The following OTC variants were observed in gnomAD, a reference collection of about 807,000 sequenced individuals.
The protein encoded by OTC is ornithine transcarbamylase, mitochondrial.
A neutral mutation model predicts 30.3 loss-of-function variants in OTC; 3 were observed. That is an observed-to-expected ratio of 0.10 (90% CI 0.05 to 0.26). The LOEUF is 0.26. Ranked by LOEUF, OTC falls within the 10% of genes least tolerant of loss-of-function variation. OTC has a pLI of 1.00. For missense variants in OTC, 194 were observed against 260.3 expected (o/e 0.75, Z 1.75); for synonymous variants, 111 against 99.7 (o/e 1.11, Z -0.67).
chrX:38,340,223 G>C, the OTC span, among the ~76,000 whole-genome samples: 2 of 111,289 alleles, frequency 1.8e-5, no homozygotes, highest in South Asian at 7.4e-4. Context: ...CCCACTTTTT[G>C]CATCCCTCCA....
chrX:38,332,504 T>TATATATATATATATATATATATA, the OTC span, among the ~76,000 whole-genome samples: 1 of 39,381 alleles, frequency 2.5e-5, no homozygotes, highest in African/African-American at 8.8e-5. Flanking sequence ...GCCCTAGATT[T>TATATATATATATATATATATATA]TATATATATA....
intron 8 of OTC, 129 bp from the exon 9 acceptor site, chrX:38,411,733 T>A: frequency 1.6e-6 from 1 of 621,817 alleles, no homozygotes; most frequent in Non-Finnish European, 2.7e-6. Context: ...AAACCATCAC[T>A]CTGCTCCTTT....
At chrX:38,376,498 T>C (rs1276020793) in intron 3 of OTC, among the ~76,000 whole-genome samples, 1 of 111,620 alleles carries the variant, frequency 9.0e-6, no homozygotes, top group East Asian at 2.8e-4. Flanking sequence ...TGAGTACAGA[T>C]GCTGACTAGT....
rs2068593934 is a variant in OTC at position 38,421,206 on chromosome X, A to G, written c.*124A>G. On this transcript the variant is annotated 3_prime_UTR_variant, in exon 10 of 10. Transcript: ENST00000039007. ...CTAACACGTGGTATGGGTGAACCGT[A>G]TGATATGCTTTGCCATTGTGAAACT... 2 of 525,448 alleles carry G rather than the reference A, an allele frequency of 3.8e-6. No individual in the cohort carries two copies. The highest frequency in any genetic ancestry group is 3.4e-4 in the Middle Eastern group (1 of 2,905). The allele number at this position is 525,448 out of a possible 1,213,427, so 43.3% of individuals were successfully genotyped here.
At chrX:38,355,380 G>A (rs1254754960) in intron 1 of OTC, among the ~76,000 whole-genome samples, 2 of 111,582 alleles carry the variant, frequency 1.8e-5, no homozygotes, top group Non-Finnish European at 3.8e-5. Context: ...ACCACTTAAA[G>A]CTTTTTAAGA....
At chrX:38,412,769 G>A (rs2068550307) in intron 9 of OTC, among the ~76,000 whole-genome samples, 1 of 112,033 alleles carries the variant, frequency 8.9e-6, no homozygotes, top group South Asian at 3.7e-4. Context: ...TAAATGGAAA[G>A]TAATGTATTA....
chrX:38,356,050 CAAAAAAAAAAA>C, intron 1 of OTC, among the ~76,000 whole-genome samples: 1 of 52,666 alleles, frequency 1.9e-5, no homozygotes, highest in East Asian at 6.2e-4. Flanking sequence ...GACTCTGTCT[CAAAAAAAAAAA>C]AAAAAAAAAA....
chrX:38,331,431 G>GT, the OTC span, among the ~76,000 whole-genome samples: 22,827 of 73,125 alleles, frequency 0.31, 3,081 homozygotes, highest in East Asian at 0.58. Flanking sequence ...TTTTTTTTTT[G>GT]TTTTTTTTTT....
chrX:38,400,851 C>G (rs2068481811), intron 4 of OTC, among the ~76,000 whole-genome samples: 1 of 112,796 alleles, frequency 8.9e-6, no homozygotes, highest in Non-Finnish European at 1.9e-5. Flanking sequence ...ACTTCCATGG[C>G]TGCCACACTG....
intron 4 of OTC, among the ~76,000 whole-genome samples, chrX:38,389,273 T>C (rs1288355007): frequency 9.0e-6 from 1 of 111,486 alleles, no homozygotes; most frequent in Non-Finnish European, 1.9e-5. Context: ...TATCCACATG[T>C]CCCTATGACA....
intron 1 of OTC, among the ~76,000 whole-genome samples, chrX:38,361,447 C>CA (rs2068271258): frequency 8.9e-6 from 1 of 112,079 alleles, no homozygotes; most frequent in African/African-American, 3.3e-5. Context: ...TTAGTGAAGA[C>CA]AAAGTTATTG....
At chrX:38,366,117 C>T (rs749247804) in intron 1 of OTC, among the ~76,000 whole-genome samples, 97 of 103,501 alleles carry the variant, frequency 9.4e-4, no homozygotes, top group African/African-American at 3.1e-3. Flanking sequence ...CTTTTGCTGG[C>T]TCTTAACTCC....
intron 4 of OTC, among the ~76,000 whole-genome samples, chrX:38,392,422 G>T (rs887723681): frequency 2.7e-5 from 3 of 111,877 alleles, no homozygotes; most frequent in Non-Finnish European, 3.8e-5. Context: ...AATGTTTAAA[G>T]CTGGGGTTTT....
intron 3 of OTC, among the ~76,000 whole-genome samples, chrX:38,376,847 A>G (rs1036350264): frequency 2.7e-5 from 3 of 112,547 alleles, no homozygotes. Context: ...AGCAAGTATT[A>G]CTAGAGCTAA....
At chrX:38,406,602 T>C (rs2068517107) in intron 6 of OTC, among the ~76,000 whole-genome samples, 2 of 111,934 alleles carry the variant, frequency 1.8e-5, no homozygotes, top group Admixed American at 9.5e-5. Flanking sequence ...TAAGTACTTA[T>C]TGATTCCTTT....
intron 5 of OTC, among the ~76,000 whole-genome samples, chrX:38,403,199 G>A (rs780131699): frequency 1.8e-3 from 198 of 111,743 alleles, no homozygotes; most frequent in African/African-American, 6.4e-3. Context: ...CAGGTATTCT[G>A]TATTTCCCCT....
the OTC span, among the ~76,000 whole-genome samples, chrX:38,344,347 A>G: frequency 9.0e-6 from 1 of 110,536 alleles, no homozygotes; most frequent in African/African-American, 3.3e-5. Flanking sequence ...TTTATTTCTT[A>G]TTGCCAGTTT....
At chrX:38,343,126 G>A in the OTC span, among the ~76,000 whole-genome samples, 1 of 111,890 alleles carries the variant, frequency 8.9e-6, no homozygotes, top group Non-Finnish European at 1.9e-5. Flanking sequence ...GGGCTCAAGG[G>A]GAGAATATTG....
chrX:38,328,470 C>T, the OTC span, among the ~76,000 whole-genome samples: 2 of 112,218 alleles, frequency 1.8e-5, no homozygotes, highest in South Asian at 7.4e-4. Flanking sequence ...AAAGGCTTAT[C>T]TGAAGAAAGA....
Sources: allele counts gnomAD v4.1 joint callset (sites outside exome capture counted in the v4.1 genomes callset), GRCh38; gene constraint gnomAD v4.1.1; transcripts MANE v1.5; gene names NCBI Gene and HGNC (gene_info 2026-07-23, HGNC 2026-07-21).